BICC1: variants seen among roughly 807,000 people sequenced by gnomAD.
BICC1 encodes the protein BicC family RNA binding protein 1, also known as protein bicaudal C homolog 1.
Under a neutral mutation model 111.0 loss-of-function variants are expected in BICC1, and 43 were observed. The ratio of observed to expected loss-of-function variants is 0.39; its 90% confidence interval spans 0.30 to 0.50. The LOEUF (loss-of-function observed/expected upper bound fraction) is 0.50. BICC1 is among the 20% of genes least tolerant of loss of function. The probability of loss-of-function intolerance (pLI) is 0.88; values close to 1 mark genes in which losing one functional copy is unlikely to be tolerated. For synonymous variants in BICC1, 467 were observed against 434.4 expected, an observed-to-expected ratio of 1.07 and a Z score of -0.93; for missense variants, 1,091 against 1,203.2, an observed-to-expected ratio of 0.91 and a Z score of 1.38.
chr10:58,567,958 C>T (rs1843822546), intron 1 of BICC1, among the ~76,000 whole-genome samples: 1 of 152,002 alleles, frequency 6.6e-6, no homozygotes, highest in Non-Finnish European at 1.5e-5. Context: ...TTTATGTGAT[C>T]AAAATGCTCA....
chr10:58,761,713 G>C (rs574113804), intron 3 of BICC1, among the ~76,000 whole-genome samples: 1 of 152,180 alleles, frequency 6.6e-6, no homozygotes, highest in Admixed American at 6.5e-5. Context: ...GGATGTAATT[G>C]GGCTCCTCTC....
Position 58,779,045 on chromosome 10 carries a change from T to TA in BICC1, c.308-5948dup, listed in dbSNP as rs933578547. Among the ~76,000 whole-genome samples, 26 of 151,946 alleles carry TA rather than the reference T, an allele frequency of 1.7e-4. 1 individual carries two copies. The highest frequency in any genetic ancestry group is 3.6e-4 in the African/African-American group (15 of 41,378). On this transcript the variant is annotated intron_variant, in intron 3 of 20. Coordinates refer to ENST00000373886, the MANE Select transcript of BICC1 (RefSeq NM_001080512.3). Reference sequence around the variant, plus strand: ...CTTGGTAAAGTATGTATTTTCACCGTAAAAAAAATGTGATGTTGGTATGTT... The same window carrying TA: ...CTTGGTAAAGTATGTATTTTCACCGTAAAAAAAAATGTGATGTTGGTATGTT...
At chr10:58,647,407 A>C (rs182966527) in intron 2 of BICC1, among the ~76,000 whole-genome samples, 1 of 152,324 alleles carries the variant, frequency 6.6e-6, no homozygotes, top group African/African-American at 2.4e-5. Flanking sequence ...TGGAGAACCA[A>C]AAATCTTTGG....
intron 1 of BICC1, among the ~76,000 whole-genome samples, chr10:58,617,508 T>C (rs1046995296): frequency 2.6e-5 from 4 of 152,224 alleles, no homozygotes; most frequent in African/African-American, 4.8e-5. Flanking sequence ...CCATTCCTGA[T>C]AGAGCATGGT....
intron 2 of BICC1, among the ~76,000 whole-genome samples, chr10:58,674,724 G>C (rs1418284731): frequency 6.6e-6 from 1 of 152,116 alleles, no homozygotes; most frequent in African/African-American, 2.4e-5. Flanking sequence ...AGTTGCTGTT[G>C]AACAACATGT....
At chr10:58,618,546 G>A (rs999228904) in intron 1 of BICC1, among the ~76,000 whole-genome samples, 29 of 152,300 alleles carry the variant, frequency 1.9e-4, no homozygotes, top group Non-Finnish European at 3.1e-4. Context: ...AGAGAATAAA[G>A]CCATGTCACA....
chr10:58,805,292 A>G (rs1317936318), intron 15 of BICC1, among the ~76,000 whole-genome samples: 1 of 150,742 alleles, frequency 6.6e-6, no homozygotes, highest in Non-Finnish European at 1.5e-5. Context: ...GACTCTGTCT[A>G]AAAAACAAAC....
chr10:58,775,451 G>A (rs113243386), intron 3 of BICC1, among the ~76,000 whole-genome samples: 5 of 152,092 alleles, frequency 3.3e-5, no homozygotes, highest in African/African-American at 1.2e-4. Flanking sequence ...CTTTGAATAA[G>A]TGCTTGATGA....
chr10:58,808,489 C>T (rs1589160235), intron 17 of BICC1, among the ~76,000 whole-genome samples: 2 of 152,074 alleles, frequency 1.3e-5, no homozygotes, highest in African/African-American at 4.8e-5. Context: ...TCATTCAGTT[C>T]TGCTTTCTAA....
At chr10:58,566,181 CGTGTGTATAT>C (rs1271137077) in intron 1 of BICC1, among the ~76,000 whole-genome samples, 4 of 150,936 alleles carry the variant, frequency 2.7e-5, no homozygotes, top group African/African-American at 9.8e-5. Flanking sequence ...CATATACACA[CGTGTGTATAT>C]GTGTGTATAC....
chr10:58,718,742 A>ATGTGTGTGTGTGTG lies in BICC1; in HGVS notation c.307+16610_307+16623dup, dbSNP rs371273354. Reference sequence around the variant, plus strand: ...GGTCCTCAATATTAATAGCATGGAAATGTGTGTGTGTGTGTGTGTGTGTGC... The same window carrying ATGTGTGTGTGTGTG: ...GGTCCTCAATATTAATAGCATGGAAATGTGTGTGTGTGTGTGTGTGTGTGTGTGTGTGTGTGTGC... On this transcript the variant is annotated intron_variant, in intron 3 of 20. Transcript: ENST00000373886. Among the ~76,000 whole-genome samples, 275 of 148,530 alleles carry ATGTGTGTGTGTGTG rather than the reference A, an allele frequency of 1.9e-3. 2 individuals are homozygous for ATGTGTGTGTGTGTG. The highest frequency in any genetic ancestry group is 5.3e-3 in the African/African-American group (209 of 39,808).
intron 1 of BICC1, among the ~76,000 whole-genome samples, chr10:58,601,156 AT>A (rs1845019929): frequency 1.5e-5 from 2 of 137,314 alleles, no homozygotes; most frequent in African/African-American, 5.2e-5. Context: ...ATATATATAT[AT>A]ATATATATAT....
At chr10:58,658,591 C>T (rs562327423) in intron 2 of BICC1, among the ~76,000 whole-genome samples, 2 of 152,190 alleles carry the variant, frequency 1.3e-5, no homozygotes, top group South Asian at 4.2e-4. Flanking sequence ...ATAAAGAGCG[C>T]TCTTTTATTC....
At chr10:58,674,628 A>G (rs1839284767) in intron 2 of BICC1, among the ~76,000 whole-genome samples, 1 of 152,176 alleles carries the variant, frequency 6.6e-6, no homozygotes, top group South Asian at 2.1e-4. Context: ...ATTCAAATAG[A>G]GTAGTAATAC....
At chr10:58,781,631 A>G (rs567054915) in intron 3 of BICC1, among the ~76,000 whole-genome samples, 2 of 152,168 alleles carry the variant, frequency 1.3e-5, no homozygotes, top group Non-Finnish European at 2.9e-5. Flanking sequence ...TATGTTTATT[A>G]ATGTGGTTAA....
At chr10:58,578,470 C>T (rs1200025861) in intron 1 of BICC1, among the ~76,000 whole-genome samples, 1 of 152,114 alleles carries the variant, frequency 6.6e-6, no homozygotes, top group Non-Finnish European at 1.5e-5. Context: ...TCCATTTTTC[C>T]TCTTAATAAA....
chr10:58,726,688 A>G (rs532844450), intron 3 of BICC1, among the ~76,000 whole-genome samples: 2 of 152,326 alleles, frequency 1.3e-5, no homozygotes, highest in East Asian at 3.9e-4. Flanking sequence ...TTACTTACAT[A>G]CTGAAAAGAA....
chr10:58,688,729 A>G (rs1839825406), intron 2 of BICC1, among the ~76,000 whole-genome samples: 1 of 152,194 alleles, frequency 6.6e-6, no homozygotes, highest in African/African-American at 2.4e-5. Flanking sequence ...TGTCCTTTGC[A>G]GGGACGTGGA....
At chr10:58,733,998 G>A (rs1376477306) in intron 3 of BICC1, among the ~76,000 whole-genome samples, 1 of 152,198 alleles carries the variant, frequency 6.6e-6, no homozygotes, top group Non-Finnish European at 1.5e-5. Flanking sequence ...CCTCTTAAGG[G>A]ATTTGTATTG....
Sources: allele counts gnomAD v4.1 joint callset (sites outside exome capture counted in the v4.1 genomes callset), GRCh38; gene constraint gnomAD v4.1.1; transcripts MANE v1.5; gene names NCBI Gene and HGNC (gene_info 2026-07-23, HGNC 2026-07-21).